ANO2: variants seen among roughly 807,000 people sequenced by gnomAD.
The protein encoded by ANO2 is anoctamin 2.
Under a neutral mutation model 124.2 loss-of-function variants are expected in ANO2, and 101 were observed. The ratio of observed to expected loss-of-function variants is 0.81; its 90% CI spans 0.69 to 0.96. The LOEUF (loss-of-function observed/expected upper bound fraction) is 0.96, where lower values mean the gene tolerates loss of function less well. ANO2 is among the 40% of genes least tolerant of loss of function. ANO2 has a pLI of 0.00. For missense variants in ANO2, 1,293 were observed against 1,274.5 expected (o/e 1.01, Z -0.22); for synonymous variants, 486 against 482.5 (o/e 1.01, Z -0.09).
At chr12:5,875,723 G>A (rs1173805657) in intron 3 of ANO2, among the ~76,000 whole-genome samples, 1 of 152,134 alleles carries the variant, frequency 6.6e-6, no homozygotes, top group Non-Finnish European at 1.5e-5. Flanking sequence ...ATACACAAGA[G>A]CAGACTGAGC....
At chr12:5,732,666 AG>A (rs773957159) in intron 13 of ANO2, 36 bp from the exon 14 acceptor site, 16 of 1,593,412 alleles carry the variant, frequency 1.0e-5, no homozygotes, top group South Asian at 1.0e-4. Flanking sequence ...AGTAAACAAA[AG>A]GAAGAATGAC....
intron 10 of ANO2, among the ~76,000 whole-genome samples, chr12:5,788,645 G>A (rs1046717065): frequency 6.6e-6 from 1 of 152,158 alleles, no homozygotes; most frequent in Non-Finnish European, 1.5e-5. Flanking sequence ...TGCAACCTCT[G>A]CCTCCAGGGT....
chr12:5,715,089 G>T (rs760654185), intron 14 of ANO2, among the ~76,000 whole-genome samples: 1 of 151,940 alleles, frequency 6.6e-6, no homozygotes, highest in African/African-American at 2.4e-5. Context: ...AACACTGTTT[G>T]TGTGTACATG....
chr12:5,582,107 A>G (rs952471556), intron 20 of ANO2, among the ~76,000 whole-genome samples: 1 of 152,244 alleles, frequency 6.6e-6, no homozygotes, highest in Non-Finnish European at 1.5e-5. Flanking sequence ...ATTTGTTTCT[A>G]AAAGCAGCAA....
In ANO2 at chr12:5,730,458, G is replaced by A. The variant is rs571859674; in HGVS notation, c.1545+2062C>T. On this transcript the variant is annotated intron_variant, in intron 14 of 24. Coordinates refer to ENST00000682330, the MANE Select transcript of ANO2 (RefSeq NM_001364791.2). ...ACCATTCAACAGGAAGGAAAGTAAG[G>A]AGAGGTGAGGATATGCAGCATCAGG... Among the ~76,000 whole-genome samples, 3 of 152,258 alleles carry A rather than the reference G, an allele frequency of 2.0e-5. No individual in the cohort carries two copies. In the South Asian group the frequency reaches 6.2e-4, roughly 32 times the overall value.
chr12:5,905,115 C>G (rs1940582418), intron 3 of ANO2, among the ~76,000 whole-genome samples: 2 of 152,142 alleles, frequency 1.3e-5, no homozygotes, highest in South Asian at 4.1e-4. Flanking sequence ...GGGTTTGAAT[C>G]CCTCACTGGC....
intron 15 of ANO2, among the ~76,000 whole-genome samples, chr12:5,644,420 C>A (rs1946531778): frequency 6.6e-6 from 1 of 152,096 alleles, no homozygotes; most frequent in African/African-American, 2.4e-5. Flanking sequence ...GTAACATATC[C>A]ATCCTTCAAG....
chr12:5,769,883 G>A lies in ANO2; in HGVS notation c.1056-18913C>T, dbSNP rs182019957. ...ACAGCCCCACCTAAGGGCAGAAAGCGTGGAGAGCAGTGTGGTCTATGTTTG... is the reference window on the plus strand; with the variant it reads ...ACAGCCCCACCTAAGGGCAGAAAGCATGGAGAGCAGTGTGGTCTATGTTTG... On this transcript the variant is annotated intron_variant, in intron 10 of 24. Transcript: ENST00000682330. This position sits in a 1 kb window ranked among gnomAD's most constrained non-coding sequence, Gnocchi z 4.0. 3.7e-4 allele frequency among the ~76,000 whole-genome samples: 56 copies of A among 152,294 alleles called. No homozygotes were observed. The highest frequency in any genetic ancestry group is 1.2e-3 in the Admixed American group (18 of 15,298).
chr12:5,710,602 T>G (rs934537314), intron 14 of ANO2, among the ~76,000 whole-genome samples: 1 of 152,216 alleles, frequency 6.6e-6, no homozygotes, highest in Admixed American at 6.5e-5. Flanking sequence ...GTAAACTTCA[T>G]GTTCCAAAGT....
Position 5,615,181 on chromosome 12 carries a change from C to G in ANO2, c.1928+5G>C. 2 of 1,611,208 alleles carry G rather than the reference C, an allele frequency of 1.2e-6. No homozygotes were observed. The stretch of plus-strand genomic sequence containing the variant: ...CCTTTCTACACATGACACCATTATA[C>G]TCACCTCCCTTTGAAAAAGGCCACA... On this transcript the variant is annotated splice_donor_5th_base_variant and intron_variant, in intron 17 of 24. Transcript: ENST00000682330.
intron 16 of ANO2, among the ~76,000 whole-genome samples, chr12:5,624,945 C>T (rs75420165): frequency 1.3e-4 from 20 of 152,046 alleles, no homozygotes; most frequent in Admixed American, 6.5e-4. Context: ...TCTAGGGGGA[C>T]GCATCAGCCT....
chr12:5,598,166 G>C (rs1351471088), intron 20 of ANO2, among the ~76,000 whole-genome samples: 16 of 152,158 alleles, frequency 1.1e-4, no homozygotes, highest in Admixed American at 1.0e-3. Flanking sequence ...GAGGTAGCCT[G>C]TGCACAAAAA....
intron 16 of ANO2, among the ~76,000 whole-genome samples, chr12:5,631,651 C>T (rs976604065): frequency 1.2e-4 from 18 of 152,176 alleles, no homozygotes; most frequent in South Asian, 2.1e-4. Flanking sequence ...CACTGACAGC[C>T]GAGAGGCCAG....
chr12:5,825,400 G>A lies in ANO2; in HGVS notation c.892+2369C>T, dbSNP rs533786388. Among the ~76,000 whole-genome samples the A allele has an allele frequency of 7.2e-5, 11 of 152,210 alleles. No homozygotes were observed. The East Asian group carries it at 9.6e-4, about 13-fold the overall frequency. On this transcript the variant is annotated intron_variant, in intron 7 of 24. Coordinates refer to ENST00000682330, the MANE Select transcript of ANO2 (RefSeq NM_001364791.2). ...TGTTTCTCCCATAGCCAGGATTCAC[G>A]GGTCCAAGAATCAAGGCACTGAAGT... is the stretch of plus-strand genomic sequence containing the variant.
intron 19 of ANO2, among the ~76,000 whole-genome samples, chr12:5,608,431 A>T (rs372104586): frequency 1.1e-4 from 16 of 151,916 alleles, no homozygotes; most frequent in African/African-American, 3.4e-4. Flanking sequence ...TGTTGTACAC[A>T]TCCTCTGGCA....
At chr12:5,831,543 C>T (rs1954153028) in intron 5 of ANO2, among the ~76,000 whole-genome samples, 1 of 152,162 alleles carries the variant, frequency 6.6e-6, no homozygotes, top group Non-Finnish European at 1.5e-5. Context: ...TGGACCTAGA[C>T]TTTGGTATCT....
chr12:5,814,941 C>T (rs1000374532), intron 7 of ANO2, among the ~76,000 whole-genome samples: 3 of 152,212 alleles, frequency 2.0e-5, no homozygotes, highest in Admixed American at 6.5e-5. Context: ...TCTGCTGAAG[C>T]TACTTTGCTG....
At chr12:5,897,457 G>T (rs1322157504) in intron 3 of ANO2, among the ~76,000 whole-genome samples, 1 of 152,210 alleles carries the variant, frequency 6.6e-6, no homozygotes, top group Non-Finnish European at 1.5e-5. Flanking sequence ...GACAGGTAAA[G>T]AAATGGGCAT....
At chr12:5,923,216 A>G (rs1941894217) in intron 1 of ANO2, among the ~76,000 whole-genome samples, 2 of 97,982 alleles carry the variant, frequency 2.0e-5, no homozygotes, top group Admixed American at 1.0e-4. Context: ...ACACCCACAT[A>G]CACACACACA....
Sources: gnomAD v4.1 joint callset for allele counts (sites outside exome capture counted in the v4.1 genomes callset) on GRCh38, gnomAD v4.1.1 for gene constraint, Gnocchi (gnomAD v3.1) non-coding constraint, MANE v1.5 for transcripts, NCBI Gene and HGNC (gene_info 2026-07-23, HGNC 2026-07-21) for gene names.